The following GABRB1 variants were observed in gnomAD, a reference collection of about 807,000 sequenced individuals.
GABRB1 encodes the protein gamma-aminobutyric acid type A receptor subunit beta1, also known as gamma-aminobutyric acid receptor subunit beta-1.
A neutral mutation model predicts 51.6 loss-of-function variants in GABRB1; 17 were observed. That is an observed-to-expected ratio of 0.33 (90% confidence interval 0.23 to 0.49). GABRB1 has a LOEUF of 0.49. Ranked by LOEUF, GABRB1 falls within the 20% of genes least tolerant of loss-of-function variation. GABRB1 has a pLI of 0.99. For synonymous variants in GABRB1, 247 were observed against 218.9 expected, an observed-to-expected ratio of 1.13 and a Z score of -1.14; for missense variants, 410 against 600.6, an observed-to-expected ratio of 0.68 and a Z score of 3.32.
chr4:47,100,296 C>T (rs888781063), intron 3 of GABRB1, among the ~76,000 whole-genome samples: 6 of 151,944 alleles, frequency 3.9e-5, no homozygotes, highest in South Asian at 2.1e-4. Flanking sequence ...TAGCCTAAAA[C>T]GACTGACAGA....
intron 4 of GABRB1, among the ~76,000 whole-genome samples, chr4:47,217,964 A>C (rs2109819440): frequency 6.6e-6 from 1 of 151,814 alleles, no homozygotes; most frequent in African/African-American, 2.4e-5. Flanking sequence ...CTACCCATTA[A>C]CCAATCTTTC....
chr4:47,021,972 G>A (rs1198837135), intron 1 of GABRB1, among the ~76,000 whole-genome samples: 1 of 151,968 alleles, frequency 6.6e-6, no homozygotes, highest in Middle Eastern at 3.2e-3. Flanking sequence ...TCCTAGTAAA[G>A]AATTATGGCT....
In GABRB1 at chr4:47,032,489, G is replaced by T. The variant is rs1324738522; in HGVS notation, c.240+5G>T. ...ATGGTCTCCGAAGTGAATATGGTGA[G>T]TGGCCTCCCGAGGGGCCCGGCGGTT... On this transcript the variant is annotated splice_donor_5th_base_variant and intron_variant, in intron 3 of 8. Coordinates refer to ENST00000295454, the MANE Select transcript of GABRB1 (RefSeq NM_000812.4). 2.5e-6 allele frequency: 4 copies of T among 1,613,790 alleles called. No individual in the cohort carries two copies. The highest frequency in any genetic ancestry group is 3.4e-6 in the Non-Finnish European group (4 of 1,179,814).
intron 3 of GABRB1, among the ~76,000 whole-genome samples, chr4:47,052,724 T>C (rs1726407428): frequency 6.6e-6 from 1 of 152,186 alleles, no homozygotes; most frequent in African/African-American, 2.4e-5. Flanking sequence ...TGACTTCCTA[T>C]TCAGTTCTCT....
chr4:47,195,445 TG>T (rs1719634147), intron 4 of GABRB1, among the ~76,000 whole-genome samples: 51 of 129,642 alleles, frequency 3.9e-4, no homozygotes, highest in Non-Finnish European at 6.3e-4. Context: ...GATAGATAGA[TG>T]ATAGATAGAT....
chr4:47,160,969 T>C (rs111628183), intron 3 of GABRB1, among the ~76,000 whole-genome samples: 35 of 151,832 alleles, frequency 2.3e-4, no homozygotes, highest in African/African-American at 7.2e-4. Context: ...AAAAAATTAT[T>C]TTTTGTAGAG....
At chr4:47,056,133 C>T (rs1476533347) in intron 3 of GABRB1, among the ~76,000 whole-genome samples, 1 of 152,166 alleles carries the variant, frequency 6.6e-6, no homozygotes, top group Non-Finnish European at 1.5e-5. Flanking sequence ...AGCATCCTTT[C>T]TATTCCATGT....
At chr4:47,271,235 T>C (rs899773344) in intron 4 of GABRB1, among the ~76,000 whole-genome samples, 17 of 152,186 alleles carry the variant, frequency 1.1e-4, no homozygotes, top group Non-Finnish European at 1.6e-4. Flanking sequence ...AGTATAGCCC[T>C]ATTTTATTTG....
intron 1 of GABRB1, among the ~76,000 whole-genome samples, chr4:47,004,478 G>A (rs76957933): frequency 0.03 from 4,623 of 152,022 alleles, 296 homozygotes; most frequent in East Asian, 0.14. Flanking sequence ...TTGTTTATGG[G>A]AGACATGAGA....
chr4:47,017,859 T>C (rs1052848089), intron 1 of GABRB1, among the ~76,000 whole-genome samples: 1 of 152,200 alleles, frequency 6.6e-6, no homozygotes, highest in Non-Finnish European at 1.5e-5. Flanking sequence ...AGAAAACTTG[T>C]TATCCTCTTT....
intron 3 of GABRB1, among the ~76,000 whole-genome samples, chr4:47,097,907 G>A (rs1388909016): frequency 6.6e-6 from 1 of 152,144 alleles, no homozygotes; most frequent in Admixed American, 6.6e-5. Flanking sequence ...AGATCTCTGA[G>A]TATTCAAGCT....
At chr4:47,097,840 T>C (rs752917179) in intron 3 of GABRB1, among the ~76,000 whole-genome samples, 2 of 152,198 alleles carry the variant, frequency 1.3e-5, no homozygotes, top group African/African-American at 2.4e-5. Flanking sequence ...CACAAGCCAG[T>C]AATTTTATAG....
intron 5 of GABRB1, among the ~76,000 whole-genome samples, chr4:47,341,515 A>T (rs1214038837): frequency 1.3e-5 from 2 of 152,212 alleles, no homozygotes; most frequent in Non-Finnish European, 2.9e-5. Flanking sequence ...AGAGCAATAA[A>T]TTGTCTAGTT....
chr4:47,320,862 C>CGGG (rs1423907816), intron 5 of GABRB1, among the ~76,000 whole-genome samples: 32 of 151,732 alleles, frequency 2.1e-4, no homozygotes, highest in African/African-American at 7.5e-4. Flanking sequence ...CTCCGCCTCC[C>CGGG]GGGTTCACGC....
intron 5 of GABRB1, among the ~76,000 whole-genome samples, chr4:47,341,050 A>C (rs945432219): frequency 6.6e-6 from 1 of 152,182 alleles, no homozygotes; most frequent in African/African-American, 2.4e-5. Flanking sequence ...AATATTTGAT[A>C]AGATCTTTTT....
At chr4:46,995,671 C>A (rs777257776) in intron 1 of GABRB1, among the ~76,000 whole-genome samples, 1 of 152,140 alleles carries the variant, frequency 6.6e-6, no homozygotes, top group Non-Finnish European at 1.5e-5. Flanking sequence ...ATTTGTAAGC[C>A]TTTTCCTATA....
At chr4:47,117,342 G>A (rs904002509) in intron 3 of GABRB1, among the ~76,000 whole-genome samples, 2 of 152,100 alleles carry the variant, frequency 1.3e-5, no homozygotes, top group Non-Finnish European at 2.9e-5. Flanking sequence ...AAGCCTCCAG[G>A]TCTTTGCATG....
At chr4:47,032,760 G>A (rs1286476397) in intron 3 of GABRB1, 2 of 661,350 alleles carry the variant, frequency 3.0e-6, no homozygotes, top group African/African-American at 1.8e-5. Flanking sequence ...GGCGGAGTCT[G>A]AGCGTTACTT....
chr4:47,366,899 A>T (rs1198560578), intron 5 of GABRB1, among the ~76,000 whole-genome samples: 1 of 151,974 alleles, frequency 6.6e-6, no homozygotes, highest in Non-Finnish European at 1.5e-5. Flanking sequence ...AGACTATTAA[A>T]TTTTTTTCTG....
Sources: allele counts gnomAD v4.1 joint callset (sites outside exome capture counted in the v4.1 genomes callset), GRCh38; gene constraint gnomAD v4.1.1; transcripts MANE v1.5; gene names NCBI Gene and HGNC (gene_info 2026-07-23, HGNC 2026-07-21).